The following RAPGEF4 variants were observed in gnomAD, a reference collection of about 807,000 sequenced individuals.
RAPGEF4 encodes the protein Rap guanine nucleotide exchange factor 4.
A neutral mutation model predicts 147.9 loss-of-function variants in RAPGEF4; 66 were observed. The observed-to-expected ratio is 0.45, with a 90% CI of 0.37 to 0.55. RAPGEF4 has a LOEUF of 0.55. Among genes scored for constraint, RAPGEF4 ranks in the 20% least tolerant of loss-of-function variants. The pLI is 0.00. For synonymous variants in RAPGEF4, 419 were observed against 442.7 expected, an observed-to-expected ratio of 0.95 and a Z score of 0.67; for missense variants, 1,071 against 1,257.3, an observed-to-expected ratio of 0.85 and a Z score of 2.24.
At chr2:172,958,094 C>T (rs1232780898) in intron 6 of RAPGEF4, among the ~76,000 whole-genome samples, 1 of 152,206 alleles carries the variant, frequency 6.6e-6, no homozygotes, top group Non-Finnish European at 1.5e-5. Context: ...GCATGGGCAT[C>T]TTCTTGACCT....
chr2:172,915,103 A>C (rs1683916716), intron 4 of RAPGEF4, among the ~76,000 whole-genome samples: 1 of 152,250 alleles, frequency 6.6e-6, no homozygotes, highest in Admixed American at 6.5e-5. Flanking sequence ...TGTTTATTAA[A>C]AAGTGCCCCA....
chr2:173,012,622 G>A (rs7566445), intron 17 of RAPGEF4, among the ~76,000 whole-genome samples: 4,405 of 152,296 alleles, frequency 0.029, 202 homozygotes, highest in African/African-American at 0.099. Context: ...ATTAAATGCG[G>A]TAGCTGAAAG....
intron 4 of RAPGEF4, among the ~76,000 whole-genome samples, chr2:172,869,571 A>C (rs1446382901): frequency 6.6e-6 from 1 of 152,130 alleles, no homozygotes; most frequent in African/African-American, 2.4e-5. Flanking sequence ...GGGATATGGG[A>C]TGGGGGTGTT....
intron 6 of RAPGEF4, among the ~76,000 whole-genome samples, chr2:172,949,056 A>C (rs1687962127): frequency 6.6e-6 from 1 of 152,250 alleles, no homozygotes; most frequent in African/African-American, 2.4e-5. Context: ...AGGAAAAAGC[A>C]AAAGTAAAAT....
At chr2:172,873,700 G>A (rs1325479034) in intron 4 of RAPGEF4, among the ~76,000 whole-genome samples, 2 of 152,168 alleles carry the variant, frequency 1.3e-5, no homozygotes, top group South Asian at 2.1e-4. Flanking sequence ...TGACAAATGG[G>A]TTCTAATTAA....
chr2:173,002,340 T>C (rs888571314), intron 17 of RAPGEF4, among the ~76,000 whole-genome samples: 5 of 152,208 alleles, frequency 3.3e-5, no homozygotes, highest in Admixed American at 3.3e-4. Context: ...AATTCCTCTC[T>C]ATAGCTTGAA....
At chr2:172,924,408 A>G (rs1274314044) in intron 6 of RAPGEF4, among the ~76,000 whole-genome samples, 2 of 152,232 alleles carry the variant, frequency 1.3e-5, no homozygotes, top group Non-Finnish European at 2.9e-5. Context: ...AACTGTTAGC[A>G]TGTTGTTCTG....
At chr2:172,904,332 T>G (rs749346827) in intron 4 of RAPGEF4, among the ~76,000 whole-genome samples, 1 of 152,226 alleles carries the variant, frequency 6.6e-6, no homozygotes, top group Non-Finnish European at 1.5e-5. Flanking sequence ...TAGTCCCATT[T>G]ATATGTTCAC....
chr2:172,866,974 A>G (rs1455420074), intron 4 of RAPGEF4, among the ~76,000 whole-genome samples: 2 of 141,266 alleles, frequency 1.4e-5, no homozygotes, highest in Non-Finnish European at 3.0e-5. Context: ...TTTTCTTGAG[A>G]CAGAGCCTTG....
At chr2:172,750,256 CAT>C (rs199803816) in intron 1 of RAPGEF4, among the ~76,000 whole-genome samples, 1,754 of 152,184 alleles carry the variant, frequency 0.012, 16 homozygotes, top group South Asian at 0.036. Context: ...CTGATAAAGA[CAT>C]ATCCGAGACT....
intron 2 of RAPGEF4, 41 bp from the exon 3 acceptor site, chr2:172,797,484 G>C (rs919242589): frequency 1.3e-6 from 2 of 1,530,976 alleles, no homozygotes; most frequent in East Asian, 4.6e-5. Context: ...GTAAAACCAA[G>C]TTGTATCTGT....
rs1437844356 is a variant in RAPGEF4, at chr2:172,789,852, C to G, written c.66-5173C>G. ...TGTATATGTGTATTATTTTCTTTATCCATTTATCTACTGATAGGCATTTAG... is the reference window on the plus strand; with the variant it reads ...TGTATATGTGTATTATTTTCTTTATGCATTTATCTACTGATAGGCATTTAG... On this transcript the variant is annotated intron_variant, in intron 1 of 30. Coordinates refer to ENST00000397081, the MANE Select transcript of RAPGEF4 (RefSeq NM_007023.4). Among the ~76,000 whole-genome samples the G allele has an allele frequency of 2.0e-5, 3 of 152,084 alleles. No individual in the cohort carries two copies. In the East Asian group the frequency reaches 5.8e-4, roughly 29 times the overall value.
intron 4 of RAPGEF4, among the ~76,000 whole-genome samples, chr2:172,875,462 A>G (rs1695798869): frequency 6.6e-6 from 1 of 152,178 alleles, no homozygotes; most frequent in Admixed American, 6.5e-5. Context: ...AGCTTTCTAC[A>G]TATGGCTAGC....
chr2:173,017,399 T>G (rs149209291), intron 20 of RAPGEF4, 27 bp from the exon 21 acceptor site: 1 of 1,602,962 alleles, frequency 6.2e-7, no homozygotes, highest in South Asian at 1.1e-5. Context: ...CTGTCCCTTA[T>G]GGCACTTGCT....
chr2:172,767,718 CT>C (rs113560220), intron 1 of RAPGEF4, among the ~76,000 whole-genome samples: 8 of 152,228 alleles, frequency 5.3e-5, no homozygotes, highest in African/African-American at 1.9e-4. Flanking sequence ...TAGAGCCTAC[CT>C]TTGTGTGTAC....
chr2:172,805,560 G>T (rs1687409022), intron 3 of RAPGEF4, among the ~76,000 whole-genome samples: 1 of 152,128 alleles, frequency 6.6e-6, no homozygotes, highest in Admixed American at 6.5e-5. Context: ...CCAAGGAAAA[G>T]AGCACCAAGA....
intron 4 of RAPGEF4, among the ~76,000 whole-genome samples, chr2:172,917,045 C>T (rs753452862): frequency 6.6e-6 from 1 of 152,128 alleles, no homozygotes; most frequent in Admixed American, 6.6e-5. Context: ...ATTTTCCATT[C>T]TTTATAAATG....
intron 4 of RAPGEF4, among the ~76,000 whole-genome samples, chr2:172,915,027 T>C (rs1683904046): frequency 6.6e-6 from 1 of 152,242 alleles, no homozygotes; most frequent in Non-Finnish European, 1.5e-5. Flanking sequence ...TAGCTGTTTT[T>C]ATCCTAATTA....
At chr2:172,870,106 C>G (rs1386756642) in intron 4 of RAPGEF4, among the ~76,000 whole-genome samples, 1 of 152,150 alleles carries the variant, frequency 6.6e-6, no homozygotes, top group Non-Finnish European at 1.5e-5. Context: ...CTTCCCTCTG[C>G]TGTTACCACT....
Sources: allele counts gnomAD v4.1 joint callset (sites outside exome capture counted in the v4.1 genomes callset), GRCh38; gene constraint gnomAD v4.1.1; transcripts MANE v1.5; gene names NCBI Gene and HGNC (gene_info 2026-07-23, HGNC 2026-07-21).